GABRB3: variants seen among roughly 807,000 people sequenced by gnomAD.
The protein encoded by GABRB3 is gamma-aminobutyric acid receptor subunit beta-3.
Under a neutral mutation model 52.1 loss-of-function variants are expected in GABRB3, and 14 were observed. The ratio of observed to expected loss-of-function variants is 0.27; its 90% CI spans 0.18 to 0.42. The LOEUF (loss-of-function observed/expected upper bound fraction) is 0.42. Among genes scored for constraint, GABRB3 ranks in the 10% least tolerant of loss-of-function variants. The pLI, the probability that GABRB3 is intolerant of heterozygous loss-of-function variation, is 1.00. For missense variants in GABRB3, 307 were observed against 609.1 expected (o/e 0.50, Z 5.22); for synonymous variants, 260 against 232.3 (o/e 1.12, Z -1.08).
chr15:26,702,067 C>T (rs192778579), intron 3 of GABRB3, among the ~76,000 whole-genome samples: 110 of 152,258 alleles, frequency 7.2e-4, no homozygotes, highest in African/African-American at 2.6e-3. Flanking sequence ...TCAACCCAGA[C>T]CTTCCACTAT....
intron 3 of GABRB3, among the ~76,000 whole-genome samples, chr15:26,683,080 C>T (rs575792866): frequency 6.8e-6 from 1 of 147,982 alleles, no homozygotes; most frequent in South Asian, 2.2e-4. Flanking sequence ...ACTCCCCAGG[C>T]CAGCCAGGTG....
intron 3 of GABRB3, among the ~76,000 whole-genome samples, chr15:26,644,635 T>C (rs1368138376): frequency 6.6e-6 from 1 of 152,212 alleles, no homozygotes; most frequent in African/African-American, 2.4e-5. Context: ...ACTTCTGTTG[T>C]TGAAGACCAC....
At chr15:26,663,299 T>C (rs989226062) in intron 3 of GABRB3, among the ~76,000 whole-genome samples, 5 of 152,240 alleles carry the variant, frequency 3.3e-5, no homozygotes, top group African/African-American at 1.2e-4. Flanking sequence ...TTCTATCTAA[T>C]AGCTCTACAA....
chr15:26,619,650 C>G (rs976932318), intron 4 of GABRB3, among the ~76,000 whole-genome samples: 4 of 150,210 alleles, frequency 2.7e-5, no homozygotes, highest in Non-Finnish European at 5.9e-5. Context: ...CACATGTACC[C>G]TAAAACTTAA....
At position 26,725,378 on chromosome 15, in the gene GABRB3, G is replaced by A. The variant is rs374104974; in HGVS notation, c.240+47024C>T. Among the ~76,000 whole-genome samples the A allele has an allele frequency of 6.8e-4, 104 of 152,204 alleles. 1 individual carries two copies. The South Asian group carries it at 0.013, about 19-fold the overall frequency. ...CACCTTCCCCTCCTCAGAGGCACATGATCTAAGAAGGCTGGGGAGGACTGT... is the reference window on the plus strand; with the variant it reads ...CACCTTCCCCTCCTCAGAGGCACATAATCTAAGAAGGCTGGGGAGGACTGT... On this transcript the variant is annotated intron_variant, in intron 3 of 8. Transcript: ENST00000311550.
chr15:26,587,831 A>G (rs771991920), intron 4 of GABRB3, among the ~76,000 whole-genome samples: 1 of 151,954 alleles, frequency 6.6e-6, no homozygotes, highest in Non-Finnish European at 1.5e-5. Context: ...AAATATATAT[A>G]TTTTTCGTTC....
intron 4 of GABRB3, chr15:26,614,345 A>G (rs1025272686): frequency 6.6e-6 from 1 of 152,216 alleles, no homozygotes; most frequent in Non-Finnish European, 1.5e-5. Context: ...GGGGGTGGGG[A>G]GCAGAGAAGT....
chr15:26,547,217 A>C lies in GABRB3; in HGVS notation c.*576T>G, dbSNP rs1889283395. On this transcript the variant is annotated 3_prime_UTR_variant, in exon 9 of 9. Transcript: ENST00000311550. ...TTGCAGAAAACGTATGCCCGATGAA[A>C]ACAAACCCCATCACCAGAGAAGCCA... 2 of 270,446 alleles carry C rather than the reference A, an allele frequency of 7.4e-6. No homozygotes were observed. The highest frequency in any genetic ancestry group is 1.4e-5 in the Non-Finnish European group (2 of 145,682). 16.8% of individuals were successfully genotyped at this position (270,446 alleles called of 1,614,324 possible).
At chr15:26,658,380 A>T (rs1683568981) in intron 3 of GABRB3, 1 of 152,204 alleles carries the variant, frequency 6.6e-6, no homozygotes, top group African/African-American at 2.4e-5. Context: ...TCTCTACTGC[A>T]ATTTCTGTAT....
intron 3 of GABRB3, among the ~76,000 whole-genome samples, chr15:26,732,571 ATTT>A (rs141533099): frequency 1.4e-5 from 2 of 147,808 alleles, no homozygotes; most frequent in African/African-American, 2.5e-5. Context: ...TCCCAAAAAA[ATTT>A]TTTTTTTTTT....
Position 26,547,697 on chromosome 15 carries a change from T to C in GABRB3, c.*96A>G. 1.1e-6 allele frequency: 1 copy of C among 897,052 alleles called. No individual in the cohort carries two copies. Among genetic ancestry groups the C allele is most frequent in the South Asian group, 1.4e-5 (1 of 73,392 alleles). 55.6% of individuals were successfully genotyped at this position (897,052 alleles called of 1,614,324 possible). A position where few individuals can be genotyped will look rare whatever the true frequency, so the allele number is the denominator to read the frequency against. On this transcript the variant is annotated 3_prime_UTR_variant, in exon 9 of 9. Coordinates refer to ENST00000311550, the MANE Select transcript of GABRB3 (RefSeq NM_000814.6). ...GTATGTATATATGTGTGTGTCTGCT[T>C]GTGTGTCTGTGTGTGTACAGGTATA... is the stretch of plus-strand genomic sequence containing the variant.
intron 3 of GABRB3, among the ~76,000 whole-genome samples, chr15:26,768,227 T>C (rs1891049321): frequency 6.6e-6 from 1 of 152,172 alleles, no homozygotes; most frequent in Non-Finnish European, 1.5e-5. Flanking sequence ...ACACTTTCAT[T>C]AGGATTGAGT....
intron 3 of GABRB3, among the ~76,000 whole-genome samples, chr15:26,720,536 C>G (rs1889616314): frequency 6.6e-6 from 1 of 152,164 alleles, no homozygotes; most frequent in South Asian, 2.1e-4. Flanking sequence ...CCCAGACGGT[C>G]AGGTTTTTAA....
chr15:26,626,889 C>T (rs774232251), intron 3 of GABRB3, among the ~76,000 whole-genome samples: 1 of 152,212 alleles, frequency 6.6e-6, no homozygotes, highest in Non-Finnish European at 1.5e-5. Flanking sequence ...TTACACTAAA[C>T]AACAGGTTTT....
intron 3 of GABRB3, among the ~76,000 whole-genome samples, chr15:26,752,081 C>T (rs1464544031): frequency 6.6e-6 from 1 of 152,080 alleles, no homozygotes; most frequent in Non-Finnish European, 1.5e-5. Flanking sequence ...ACACCAAGAG[C>T]CTCCTCATGC....
chr15:26,647,677 G>T (rs1041153780), intron 3 of GABRB3, among the ~76,000 whole-genome samples: 4 of 151,534 alleles, frequency 2.6e-5, no homozygotes, highest in African/African-American at 7.3e-5. Context: ...AAGACCGTTT[G>T]GAATGCAGTC....
chr15:26,749,126 G>T, intron 3 of GABRB3, among the ~76,000 whole-genome samples: 1 of 151,070 alleles, frequency 6.6e-6, no homozygotes, highest in East Asian at 2.0e-4. Flanking sequence ...AAATTTGAGA[G>T]TTTTTTTTTC....
intron 4 of GABRB3, among the ~76,000 whole-genome samples, chr15:26,603,366 C>G (rs1891656701): frequency 6.6e-6 from 1 of 151,832 alleles, no homozygotes; most frequent in African/African-American, 2.4e-5. Flanking sequence ...TCAAACTGTT[C>G]CAAAAAATAA....
rs1891791101 is a variant in GABRB3 at position 26,606,308 on chromosome 15, T to C, written c.461+15006A>G. ...GACTAAAAGAGTATTATTGGATTGT[T>C]TGTAACACAAAGAGTAAATGCTTAG... On this transcript the variant is annotated intron_variant, in intron 4 of 8. Coordinates refer to ENST00000311550, the MANE Select transcript of GABRB3 (RefSeq NM_000814.6). Among the ~76,000 whole-genome samples the C allele has an allele frequency of 3.3e-5, 5 of 152,160 alleles. 1 individual carries two copies. In the South Asian group the frequency reaches 1.0e-3, roughly 32 times the overall value.
Sources: allele counts gnomAD v4.1 joint callset (sites outside exome capture counted in the v4.1 genomes callset), GRCh38; gene constraint gnomAD v4.1.1; transcripts MANE v1.5; gene names NCBI Gene and HGNC (gene_info 2026-07-23, HGNC 2026-07-21).